The following MICU1 variants were observed in gnomAD, a reference collection of about 807,000 sequenced individuals.
MICU1 encodes the protein calcium uptake protein 1, mitochondrial.
A neutral mutation model predicts 56.8 loss-of-function variants in MICU1; 45 were observed. That is an observed-to-expected ratio of 0.79 (90% CI 0.62 to 1.02). MICU1 has a LOEUF of 1.02. Ranked by LOEUF, MICU1 falls within the 50% of genes least tolerant of loss-of-function variation. The pLI, the probability that MICU1 is intolerant of heterozygous loss-of-function variation, is 0.00. For synonymous variants in MICU1, 186 were observed against 195.1 expected (o/e 0.95, Z 0.39); for missense variants, 504 against 587.1 (o/e 0.86, Z 1.46).
Position 72,611,311 on chromosome 10 carries a change from A to AG in MICU1, c.-2+14698_-2+14699insC, listed in dbSNP as rs1554812438. Among the ~76,000 whole-genome samples the AG allele has an allele frequency of 2.1e-3, 306 of 145,398 alleles. 1 individual carries two copies. The highest frequency in any genetic ancestry group is 7.1e-3 in the African/African-American group (277 of 39,260). Reference sequence around the variant, plus strand: ...CAGCGAGACTCCCTTTAAAAAAAAAAAAAGAAAGAAAGAAAAAAGGCCGGG... The same window carrying AG: ...CAGCGAGACTCCCTTTAAAAAAAAAAGAAAGAAAGAAAGAAAAAAGGCCGGG... On this transcript the variant is annotated intron_variant, in intron 1 of 11. Coordinates refer to ENST00000361114, the MANE Select transcript of MICU1 (RefSeq NM_001195518.2).
intron 6 of MICU1, among the ~76,000 whole-genome samples, chr10:72,501,432 GT>G (rs35063866): frequency 0.049 from 6,968 of 142,062 alleles, 409 homozygotes; most frequent in African/African-American, 0.15. Context: ...TTTGCTAAAG[GT>G]TTTTTTTTTT....
intron 6 of MICU1, among the ~76,000 whole-genome samples, chr10:72,493,874 C>T (rs770297285): frequency 1.3e-5 from 2 of 152,116 alleles, no homozygotes; most frequent in African/African-American, 4.8e-5. Flanking sequence ...CTGGTAAACA[C>T]CATCAAGACG....
chr10:72,515,772 C>G (rs1867628008), intron 5 of MICU1, among the ~76,000 whole-genome samples: 1 of 152,152 alleles, frequency 6.6e-6, no homozygotes, highest in Non-Finnish European at 1.5e-5. Context: ...AAGCAAAAAT[C>G]TAATGTATAA....
intron 8 of MICU1, among the ~76,000 whole-genome samples, chr10:72,463,358 C>T (rs367964749): frequency 9.2e-5 from 14 of 152,100 alleles, no homozygotes; most frequent in Admixed American, 7.2e-4. Context: ...CCATGGCGCC[C>T]GGCCGCACTT....
At chr10:72,381,458 A>G (rs74832081) in intron 10 of MICU1, among the ~76,000 whole-genome samples, 4,769 of 152,242 alleles carry the variant, frequency 0.031, 227 homozygotes, top group African/African-American at 0.11. Flanking sequence ...TTGTTAATAC[A>G]AATGCACATT....
At chr10:72,370,078 C>T (rs762457831) in intron 11 of MICU1, among the ~76,000 whole-genome samples, 1 of 152,096 alleles carries the variant, frequency 6.6e-6, no homozygotes, top group Non-Finnish European at 1.5e-5. Flanking sequence ...TGGGTTTCAC[C>T]GTGTTAGCCA....
chr10:72,370,509 C>G (rs1264910491), intron 11 of MICU1, among the ~76,000 whole-genome samples: 1 of 151,956 alleles, frequency 6.6e-6, no homozygotes, highest in South Asian at 2.1e-4. Flanking sequence ...CCAAACCCAA[C>G]AAAACAAAAC....
chr10:72,458,788 C>A (rs1357355138), intron 8 of MICU1, among the ~76,000 whole-genome samples: 1 of 151,196 alleles, frequency 6.6e-6, no homozygotes, highest in African/African-American at 2.4e-5. Context: ...CGGCTCACTG[C>A]AGCCTCAGAC....
intron 4 of MICU1, among the ~76,000 whole-genome samples, chr10:72,535,605 A>C (rs1564923601): frequency 6.6e-6 from 1 of 152,182 alleles, no homozygotes; most frequent in African/African-American, 2.4e-5. Context: ...AACAAAAAAA[A>C]CTACCCACAC....
chr10:72,524,797 G>A (rs1179540998), intron 5 of MICU1: 27 of 1,130,482 alleles, frequency 2.4e-5, no homozygotes, highest in South Asian at 4.5e-5. Context: ...TTGATTATAT[G>A]AACAAACTAA....
At chr10:72,457,704 G>A (rs1289323635) in intron 8 of MICU1, among the ~76,000 whole-genome samples, 3 of 151,898 alleles carry the variant, frequency 2.0e-5, no homozygotes, top group Admixed American at 2.0e-4. Flanking sequence ...GAGAGGGAGA[G>A]AGAGAAAGAG....
intron 8 of MICU1, among the ~76,000 whole-genome samples, chr10:72,424,673 T>A (rs1864291784): frequency 6.6e-6 from 1 of 152,080 alleles, no homozygotes. Flanking sequence ...ACTCTGCAGA[T>A]GAGAAAACTG....
At chr10:72,552,705 C>T (rs955233707) in intron 3 of MICU1, among the ~76,000 whole-genome samples, 2 of 152,104 alleles carry the variant, frequency 1.3e-5, no homozygotes, top group African/African-American at 4.8e-5. Flanking sequence ...CAGGTGCCGG[C>T]CATCACGCCC....
intron 6 of MICU1, among the ~76,000 whole-genome samples, chr10:72,479,310 C>T (rs1866217394): frequency 6.6e-6 from 1 of 152,166 alleles, no homozygotes; most frequent in African/African-American, 2.4e-5. Flanking sequence ...ATGATAAACA[C>T]ACACTCTTCA....
chr10:72,440,082 G>C (rs1864868063), intron 8 of MICU1, among the ~76,000 whole-genome samples: 1 of 152,138 alleles, frequency 6.6e-6, no homozygotes. Flanking sequence ...AAAAGAGCCT[G>C]CATAGCCGAG....
At chr10:72,521,483 T>C (rs570936634) in intron 5 of MICU1, among the ~76,000 whole-genome samples, 11 of 152,212 alleles carry the variant, frequency 7.2e-5, no homozygotes, top group South Asian at 6.2e-4. Context: ...TCTCATTTGA[T>C]TTATTCTCTT....
At chr10:72,369,512 T>C (rs916311804) in intron 11 of MICU1, among the ~76,000 whole-genome samples, 4 of 152,028 alleles carry the variant, frequency 2.6e-5, no homozygotes, top group African/African-American at 4.8e-5. Flanking sequence ...ACCTGGAATA[T>C]TGGGGTCAGT....
At chr10:72,425,330 G>A (rs759944001) in intron 8 of MICU1, among the ~76,000 whole-genome samples, 4 of 152,208 alleles carry the variant, frequency 2.6e-5, no homozygotes, top group Admixed American at 6.5e-5. Flanking sequence ...TAGATTCATG[G>A]TTGAAAAGTT....
intron 8 of MICU1, among the ~76,000 whole-genome samples, chr10:72,473,807 A>AT (rs1866021674): frequency 1.3e-5 from 2 of 152,236 alleles, no homozygotes. Flanking sequence ...GTGAAATCAT[A>AT]TATAAGAATC....
Sources: allele counts gnomAD v4.1 joint callset (sites outside exome capture counted in the v4.1 genomes callset), GRCh38; gene constraint gnomAD v4.1.1; transcripts MANE v1.5; gene names NCBI Gene and HGNC (gene_info 2026-07-23, HGNC 2026-07-21).